Variants in STX8 observed in about 807,000 individuals in gnomAD.
STX8 encodes syntaxin 8.
A neutral mutation model predicts 37.5 loss-of-function variants in STX8; 23 were observed. The ratio of observed to expected loss-of-function variants is 0.61; its 90% CI spans 0.44 to 0.87. STX8 has a LOEUF of 0.87. STX8 is among the 40% of genes least tolerant of loss of function. The probability of loss-of-function intolerance (pLI) is 0.00; values close to 1 mark genes in which losing one functional copy is unlikely to be tolerated. For missense variants in STX8, 313 were observed against 284.7 expected, an observed-to-expected ratio of 1.10 and a Z score of -0.71; for synonymous variants, 115 against 99.1, an observed-to-expected ratio of 1.16 and a Z score of -0.95.
rs933038791 is a variant in STX8 at position 9,507,562 on chromosome 17, C to T, written c.324-2400G>A. ...GTGCCCATGTCCCAAACCTGAGAAA[C>T]AGCCCAACAGGCCACCTCTGGCAGG... is the stretch of plus-strand genomic sequence containing the variant. On this transcript the variant is annotated intron_variant, in intron 4 of 7. Transcript: ENST00000306357. The surrounding 1 kb of genome is among the most constrained non-coding windows in gnomAD (Gnocchi z 4.0). 4.6e-5 allele frequency among the ~76,000 whole-genome samples: 7 copies of T among 152,216 alleles called. No individual in the cohort carries two copies. The highest frequency in any genetic ancestry group is 1.7e-4 in the African/African-American group (7 of 41,452).
chr17:9,459,015 G>A (rs1307872954), intron 6 of STX8, among the ~76,000 whole-genome samples: 4 of 151,898 alleles, frequency 2.6e-5, no homozygotes, highest in African/African-American at 9.7e-5. Context: ...GTATTTTTTA[G>A]TAGAGACAGG....
chr17:9,527,726 C>T (rs909948997), intron 4 of STX8, among the ~76,000 whole-genome samples: 9 of 152,148 alleles, frequency 5.9e-5, no homozygotes, highest in Admixed American at 2.0e-4. Flanking sequence ...AGTTCTGTAA[C>T]GCCCACTGAC....
At position 9,492,010 on chromosome 17, in the gene STX8, A is replaced by C. The variant is rs1277699971; in HGVS notation, c.449-89T>G. 70 of 871,358 alleles carry C rather than the reference A, an allele frequency of 8.0e-5. 1 individual carries two copies. The highest frequency in any genetic ancestry group is 1.2e-4 in the Non-Finnish European group (67 of 581,774). The allele number at this position is 871,358 out of a possible 1,614,324, so 54.0% of individuals were successfully genotyped here. On this transcript the variant is annotated intron_variant, in intron 5 of 7. Transcript: ENST00000306357. ...ATACCCAGGCATATAACACAAGTTG[A>C]CATATAAATCAGTCAGGAAAAAAAA...
chr17:9,492,503 G>A (rs1415141491), intron 5 of STX8, among the ~76,000 whole-genome samples: 1 of 152,136 alleles, frequency 6.6e-6, no homozygotes, highest in Non-Finnish European at 1.5e-5. Context: ...CTTTTTACCT[G>A]CCAATTCTAA....
intron 6 of STX8, among the ~76,000 whole-genome samples, chr17:9,390,727 C>T (rs1310669427): frequency 6.7e-6 from 1 of 148,310 alleles, no homozygotes. Flanking sequence ...GTCCCAGCTA[C>T]TCGGGAGGCT....
At chr17:9,486,693 C>T (rs975119799) in intron 6 of STX8, among the ~76,000 whole-genome samples, 1 of 151,828 alleles carries the variant, frequency 6.6e-6, no homozygotes, top group Non-Finnish European at 1.5e-5. Context: ...CCCATCTCTA[C>T]AAAAAATAAG....
chr17:9,538,563 T>A (rs1165472543), intron 4 of STX8, among the ~76,000 whole-genome samples: 1 of 152,264 alleles, frequency 6.6e-6, no homozygotes, highest in African/African-American at 2.4e-5. Flanking sequence ...TATCATGTTT[T>A]GTCAGTAGTG....
intron 1 of STX8, among the ~76,000 whole-genome samples, chr17:9,572,077 C>T (rs188412613): frequency 6.6e-6 from 1 of 152,220 alleles, no homozygotes; most frequent in East Asian, 1.9e-4. Context: ...AGCAATTCAA[C>T]ACAAAGAAGA....
intron 4 of STX8, among the ~76,000 whole-genome samples, chr17:9,542,780 G>C (rs1437359750): frequency 1.3e-5 from 2 of 152,200 alleles, no homozygotes; most frequent in African/African-American, 4.8e-5. Context: ...TGATGATCTT[G>C]TTAGAATGCA....
intron 6 of STX8, among the ~76,000 whole-genome samples, chr17:9,484,666 A>AG (rs1906505463): frequency 6.6e-6 from 1 of 150,586 alleles, no homozygotes; most frequent in Non-Finnish European, 1.5e-5. Flanking sequence ...AAATACAAAA[A>AG]AAAAAAAAAA....
intron 7 of STX8, among the ~76,000 whole-genome samples, chr17:9,372,707 A>C (rs1911449603): frequency 6.8e-6 from 1 of 147,154 alleles, no homozygotes; most frequent in African/African-American, 2.5e-5. Context: ...TGAACTCTTG[A>C]CCTTGTGATC....
intron 7 of STX8, among the ~76,000 whole-genome samples, chr17:9,289,792 A>AAAAAC (rs397714392): frequency 6.6e-6 from 1 of 151,988 alleles, no homozygotes; most frequent in Non-Finnish European, 1.5e-5. Context: ...AAAAACAAAA[A>AAAAAC]CAAAACAAAA....
chr17:9,294,352 T>C (rs970092604), intron 7 of STX8, among the ~76,000 whole-genome samples: 1 of 152,228 alleles, frequency 6.6e-6, no homozygotes, highest in Non-Finnish European at 1.5e-5. Flanking sequence ...CAAAACCCTA[T>C]GGTGGGCCTC....
At chr17:9,471,141 C>G (rs1220130321) in intron 6 of STX8, among the ~76,000 whole-genome samples, 1 of 132,274 alleles carries the variant, frequency 7.6e-6, no homozygotes, top group Non-Finnish European at 1.6e-5. Flanking sequence ...GCGTGAGCCA[C>G]CGCACCCTGC....
At chr17:9,390,444 C>A (rs1432294218) in intron 6 of STX8, among the ~76,000 whole-genome samples, 1 of 151,832 alleles carries the variant, frequency 6.6e-6, no homozygotes, top group Non-Finnish European at 1.5e-5. Context: ...ATCACTTGAA[C>A]CTGGGAGGCA....
intron 6 of STX8, among the ~76,000 whole-genome samples, chr17:9,407,994 G>A (rs1369821314): frequency 6.6e-6 from 1 of 152,072 alleles, no homozygotes; most frequent in Non-Finnish European, 1.5e-5. Flanking sequence ...AGCTTTGCAG[G>A]GCCATTTCAA....
chr17:9,545,718 T>C (rs958676977), intron 3 of STX8, among the ~76,000 whole-genome samples: 5 of 152,176 alleles, frequency 3.3e-5, no homozygotes, highest in Non-Finnish European at 7.3e-5. Context: ...GTAGCTGGGC[T>C]TACAGACGTG....
chr17:9,323,865 A>G (rs916180281), intron 7 of STX8, among the ~76,000 whole-genome samples: 14 of 152,132 alleles, frequency 9.2e-5, no homozygotes, highest in African/African-American at 3.4e-4. Flanking sequence ...CAGGTGGCAG[A>G]AAGGGAACGA....
intron 4 of STX8, among the ~76,000 whole-genome samples, chr17:9,509,066 G>A (rs1023560221): frequency 6.6e-6 from 1 of 152,172 alleles, no homozygotes; most frequent in African/African-American, 2.4e-5. Flanking sequence ...GGCCAACATG[G>A]TGAAACTCTG....
Sources: gnomAD v4.1 joint callset for allele counts (sites outside exome capture counted in the v4.1 genomes callset) on GRCh38, gnomAD v4.1.1 for gene constraint, Gnocchi (gnomAD v3.1) non-coding constraint, MANE v1.5 for transcripts, NCBI Gene and HGNC (gene_info 2026-07-23, HGNC 2026-07-21) for gene names.